The following PCSK2 variants were observed in gnomAD, a reference collection of about 807,000 sequenced individuals.
The protein encoded by PCSK2 is neuroendocrine convertase 2.
Under a neutral mutation model 69.7 loss-of-function variants are expected in PCSK2, and 14 were observed. The observed-to-expected ratio is 0.20, with a 90% CI of 0.13 to 0.31. The LOEUF (loss-of-function observed/expected upper bound fraction) is 0.31, where lower values mean the gene tolerates loss of function less well. Ranked by LOEUF, PCSK2 falls within the 10% of genes least tolerant of loss-of-function variation. The probability of loss-of-function intolerance (pLI) is 1.00; values close to 1 mark genes in which losing one functional copy is unlikely to be tolerated. For missense variants in PCSK2, 544 were observed against 842.5 expected (o/e 0.65, Z 4.39); for synonymous variants, 307 against 320.7 (o/e 0.96, Z 0.46).
chr20:17,386,665 T>G (rs1273905315), intron 5 of PCSK2, among the ~76,000 whole-genome samples: 1 of 152,158 alleles, frequency 6.6e-6, no homozygotes, highest in African/African-American at 2.4e-5. Context: ...TATTGTTTAA[T>G]GGGTATAGAG....
intron 5 of PCSK2, among the ~76,000 whole-genome samples, chr20:17,403,994 T>C (rs930886253): frequency 6.6e-6 from 1 of 152,194 alleles, no homozygotes; most frequent in South Asian, 2.1e-4. Flanking sequence ...ACCCTGTCTA[T>C]GGGCAAATTA....
At chr20:17,449,532 A>G (rs1478985698) in intron 8 of PCSK2, among the ~76,000 whole-genome samples, 1 of 148,326 alleles carries the variant, frequency 6.7e-6, no homozygotes, top group Admixed American at 6.7e-5. Flanking sequence ...GTATGTATAT[A>G]TATATATGTA....
chr20:17,367,390 T>C (rs1367533003), intron 4 of PCSK2, among the ~76,000 whole-genome samples: 1 of 152,208 alleles, frequency 6.6e-6, no homozygotes, highest in African/African-American at 2.4e-5. Flanking sequence ...TGAAAACCGC[T>C]TTGCAAAGTA....
Position 17,228,950 on chromosome 20 carries a change from C to G in PCSK2, c.177+1468C>G, listed in dbSNP as rs534731861. ...GAAGGCGCCGGCGGAGGGAGCACCC[C>G]GCTGTGGTTTTGGCCCGTGGCCTGC... is the stretch of plus-strand genomic sequence containing the variant. On this transcript the variant is annotated intron_variant, in intron 1 of 11. Transcript: ENST00000262545. Among the ~76,000 whole-genome samples, 357 of 152,252 alleles carry G rather than the reference C, an allele frequency of 2.3e-3. 3 individuals are homozygous for G. The highest frequency in any genetic ancestry group is 8.1e-3 in the African/African-American group (338 of 41,554).
intron 2 of PCSK2, among the ~76,000 whole-genome samples, chr20:17,340,191 G>C (rs1331532166): frequency 1.3e-5 from 2 of 152,210 alleles, no homozygotes; most frequent in Non-Finnish European, 2.9e-5. Flanking sequence ...TGGAGGAAGA[G>C]TCATGCAGGT....
intron 8 of PCSK2, among the ~76,000 whole-genome samples, chr20:17,440,094 C>G (rs1010567303): frequency 1.3e-5 from 2 of 152,202 alleles, no homozygotes; most frequent in African/African-American, 2.4e-5. Context: ...AGTGGAGAGA[C>G]CTGAGTTTTA....
chr20:17,451,173 A>G (rs999321955), intron 8 of PCSK2, among the ~76,000 whole-genome samples: 9 of 152,250 alleles, frequency 5.9e-5, no homozygotes, highest in African/African-American at 1.4e-4. Context: ...GGCAAGTCTC[A>G]TGGTTTAAAA....
chr20:17,303,275 A>C (rs1030539641), intron 2 of PCSK2, among the ~76,000 whole-genome samples: 12 of 139,796 alleles, frequency 8.6e-5, no homozygotes, highest in Non-Finnish European at 1.7e-4. Context: ...GTATAACCAT[A>C]TATGTCTATT....
intron 2 of PCSK2, among the ~76,000 whole-genome samples, chr20:17,350,782 C>T (rs2029957662): frequency 6.6e-6 from 1 of 152,130 alleles, no homozygotes; most frequent in Admixed American, 6.6e-5. Context: ...GTGGCTTATG[C>T]CTGTAATCCC....
chr20:17,303,769 T>G (rs942287566), intron 2 of PCSK2, among the ~76,000 whole-genome samples: 3 of 144,928 alleles, frequency 2.1e-5, no homozygotes, highest in Admixed American at 7.1e-5. Flanking sequence ...TTGAGGGGAG[T>G]TTTCGCCATG....
chr20:17,419,786 T>C (rs1600565756), intron 6 of PCSK2, among the ~76,000 whole-genome samples: 2 of 152,302 alleles, frequency 1.3e-5, no homozygotes, highest in Admixed American at 1.3e-4. Flanking sequence ...TCCATTACTG[T>C]GCTGTTGTCC....
At chr20:17,386,137 T>C (rs2031228190) in intron 5 of PCSK2, among the ~76,000 whole-genome samples, 1 of 152,218 alleles carries the variant, frequency 6.6e-6, no homozygotes, top group South Asian at 2.1e-4. Context: ...AAAACAATTT[T>C]AACTAGGCTC....
intron 5 of PCSK2, among the ~76,000 whole-genome samples, chr20:17,403,058 T>C (rs2031678870): frequency 6.6e-6 from 1 of 152,190 alleles, no homozygotes; most frequent in Non-Finnish European, 1.5e-5. Context: ...ACTCCTCTTA[T>C]CTGGAAAGTG....
intron 5 of PCSK2, among the ~76,000 whole-genome samples, chr20:17,376,484 G>A (rs1390926627): frequency 6.6e-6 from 1 of 152,166 alleles, no homozygotes; most frequent in Non-Finnish European, 1.5e-5. Flanking sequence ...TTGGCTTCTA[G>A]GCCTATCCTA....
intron 5 of PCSK2, among the ~76,000 whole-genome samples, chr20:17,390,260 C>T (rs2031339123): frequency 6.6e-6 from 1 of 152,194 alleles, no homozygotes. Context: ...TGAAGATTAA[C>T]TGAGAAGGGC....
chr20:17,287,426 C>CGTATCTGT (rs1555785111), intron 2 of PCSK2, among the ~76,000 whole-genome samples: 1 of 102,188 alleles, frequency 9.8e-6, no homozygotes, highest in African/African-American at 3.8e-5. Context: ...CCAGCATGTG[C>CGTATCTGT]GTGTCTGTGT....
intron 8 of PCSK2, among the ~76,000 whole-genome samples, chr20:17,449,688 C>T (rs2032781511): frequency 6.6e-6 from 1 of 151,770 alleles, no homozygotes; most frequent in Non-Finnish European, 1.5e-5. Context: ...CCACCACGCT[C>T]AGCTAATTTT....
At chr20:17,355,650 A>AAC (rs74179105) in intron 2 of PCSK2, among the ~76,000 whole-genome samples, 24,818 of 148,646 alleles carry the variant, frequency 0.17, 2,459 homozygotes, top group South Asian at 0.38. Context: ...TGTGCACGCA[A>AAC]ACACACACAC....
chr20:17,409,135 G>A (rs1476728072), intron 5 of PCSK2, 128 bp from the exon 6 acceptor site: 3 of 702,988 alleles, frequency 4.3e-6, no homozygotes, highest in African/African-American at 3.6e-5. Flanking sequence ...ATTTTGTGAG[G>A]TTTGGTCCAG....
Sources: gnomAD v4.1 joint callset for allele counts (sites outside exome capture counted in the v4.1 genomes callset) on GRCh38, gnomAD v4.1.1 for gene constraint, MANE v1.5 for transcripts, NCBI Gene and HGNC (gene_info 2026-07-23, HGNC 2026-07-21) for gene names.